The following PHLDB2 variants were observed in gnomAD, a reference collection of about 807,000 sequenced individuals.
The protein encoded by PHLDB2 is pleckstrin homology like domain family B member 2, also known as pleckstrin homology-like domain family B member 2.
In PHLDB2, 71 loss-of-function variants were observed where a neutral mutation model predicts 123.6. The observed-to-expected ratio is 0.57, with a 90% CI of 0.47 to 0.70. The LOEUF is 0.70. PHLDB2 is among the 30% of genes least tolerant of loss of function. PHLDB2 has a pLI of 0.00. For synonymous variants in PHLDB2, 547 were observed against 541.6 expected (o/e 1.01, Z -0.14); for missense variants, 1,446 against 1,519.5 (o/e 0.95, Z 0.80).
intron 2 of PHLDB2, among the ~76,000 whole-genome samples, chr3:111,886,696 A>G (rs1188998381): frequency 6.6e-6 from 1 of 152,244 alleles, no homozygotes; most frequent in Non-Finnish European, 1.5e-5. Context: ...CCTAACTGAC[A>G]ATAGTGAATG....
rs2072044232 is a variant in PHLDB2, at chr3:111,969,714, C to A, written c.3340C>A (p.Pro1114Thr). ...AQARPLTRYL[P>T]VRKEDFDLRS... The stretch of plus-strand genomic sequence containing the variant: ...GGCTCGTCCTTTGACACGCTACCTG[C>A]CTGTCCGGAAGGAAGACTTTGATTT... Residue 1114 changes from proline (P) to threonine (T), a missense_variant, in exon 16 of 18, where the codon CCT becomes ACT. By Grantham distance (38) the Pro-to-Thr change is conservative. This residue lies in a region of PHLDB2 where 594 missense variants were observed against 646.0 expected (regional missense o/e 0.92). Coordinates refer to ENST00000431670, the MANE Select transcript of PHLDB2 (RefSeq NM_001134438.2). 2 of 1,613,952 alleles carry A rather than the reference C, an allele frequency of 1.2e-6. No individual in the cohort carries two copies. The highest frequency in any genetic ancestry group is 1.7e-6 in the Non-Finnish European group (2 of 1,179,862).
chr3:111,856,401 C>A (rs972225262), upstream of PHLDB2, among the ~76,000 whole-genome samples: 8 of 152,182 alleles, frequency 5.3e-5, no homozygotes, highest in African/African-American at 1.9e-4. Flanking sequence ...CAACTGACTT[C>A]TCTGTGATTC....
chr3:111,787,827 G>A (rs977133071), intron 1 of PHLDB2, among the ~76,000 whole-genome samples: 10 of 152,122 alleles, frequency 6.6e-5, no homozygotes, highest in Admixed American at 3.9e-4. Context: ...CTGATTGCAT[G>A]TTTCTCTAAA....
rs574756074 is a variant in PHLDB2 at position 111,905,635 on chromosome 3, C to T, written c.1336-7684C>T. ...TCTCCCAAAGTGCTGAGATTATAGG[C>T]GTGAGCCACCACACCCTACCTTAAA... is the stretch of plus-strand genomic sequence containing the variant. On this transcript the variant is annotated intron_variant, in intron 2 of 17. Coordinates refer to ENST00000431670, the MANE Select transcript of PHLDB2 (RefSeq NM_001134438.2). 4.6e-5 allele frequency among the ~76,000 whole-genome samples: 7 copies of T among 152,226 alleles called. No homozygotes were observed. The South Asian group carries it at 1.2e-3, about 27-fold the overall frequency.
chr3:111,763,946 C>T (rs1167973977), intron 1 of PHLDB2, among the ~76,000 whole-genome samples: 2 of 152,066 alleles, frequency 1.3e-5, no homozygotes, highest in East Asian at 1.9e-4. Flanking sequence ...TAAAGCAGCC[C>T]GAACAGACGA....
intron 2 of PHLDB2, among the ~76,000 whole-genome samples, chr3:111,889,653 G>C (rs1287739685): frequency 6.6e-6 from 1 of 152,178 alleles, no homozygotes; most frequent in East Asian, 1.9e-4. Context: ...AATGAGCCAT[G>C]ATCATGCCAC....
At chr3:111,812,495 C>G (rs2061885796) in intron 1 of PHLDB2, among the ~76,000 whole-genome samples, 2 of 152,184 alleles carry the variant, frequency 1.3e-5, no homozygotes, top group African/African-American at 4.8e-5. Flanking sequence ...CATGGAGTTT[C>G]TCAACTTTGG....
chr3:111,774,300 C>T (rs1478686946), intron 1 of PHLDB2, among the ~76,000 whole-genome samples: 2 of 152,176 alleles, frequency 1.3e-5, no homozygotes, highest in East Asian at 3.8e-4. Flanking sequence ...TTTTTCCAGA[C>T]TTGCTGTTAG....
At chr3:111,903,389 T>C (rs558163208) in intron 2 of PHLDB2, among the ~76,000 whole-genome samples, 7 of 152,196 alleles carry the variant, frequency 4.6e-5, no homozygotes, top group Admixed American at 1.3e-4. Flanking sequence ...ACAAGATGCC[T>C]TTCTCCCCAG....
At chr3:111,948,876 T>C (rs2070505259) in intron 9 of PHLDB2, 56 bp from the exon 10 acceptor site, 1 of 1,566,644 alleles carries the variant, frequency 6.4e-7, no homozygotes, top group Admixed American at 1.7e-5. Flanking sequence ...ATTAATACTC[T>C]CGCATGCCTC....
chr3:111,856,845 G>C (rs537289154), upstream of PHLDB2, among the ~76,000 whole-genome samples: 12 of 152,316 alleles, frequency 7.9e-5, no homozygotes, highest in South Asian at 2.3e-3. Context: ...AGTGAGGAGA[G>C]ACAGACAATA....
chr3:111,953,246 C>T (rs2070823437), intron 11 of PHLDB2, among the ~76,000 whole-genome samples: 1 of 152,074 alleles, frequency 6.6e-6, no homozygotes. Flanking sequence ...GGAATGTGAA[C>T]CTATGCGACC....
intron 13 of PHLDB2, among the ~76,000 whole-genome samples, chr3:111,963,718 C>T (rs1264634925): frequency 6.6e-6 from 1 of 152,106 alleles, no homozygotes. Flanking sequence ...ACTAGAATTT[C>T]AGCATGGAAT....
At chr3:111,807,572 TA>T (rs1033702010) in intron 1 of PHLDB2, among the ~76,000 whole-genome samples, 1 of 151,708 alleles carries the variant, frequency 6.6e-6, no homozygotes, top group African/African-American at 2.4e-5. Flanking sequence ...AATAAAAATT[TA>T]AAAAAAATAG....
intron 10 of PHLDB2, 47 bp downstream of exon 10, chr3:111,949,122 A>G (rs1257908208): frequency 1.2e-6 from 2 of 1,602,206 alleles, no homozygotes; most frequent in South Asian, 2.2e-5. Flanking sequence ...TCTTCATGTC[A>G]GAAATTAACC....
rs557472906 is a variant in PHLDB2 at position 111,884,672 on chromosome 3, G to A, written c.595G>A (p.Ala199Thr). ...GCCTCCTATCAGCAGATCGGGAGCC[G>A]CAAGCATGCCTTCAAGCCCAAAGCA... ...GPPPISRSGA[A>T]SMPSSPKQAR... The change falls in exon 2 of 18, where the codon GCA (alanine) becomes ACA (threonine). Residue 199 changes from alanine (A) to threonine (T), a missense_variant. Transcript: ENST00000431670. 98 of 1,614,094 alleles carry A rather than the reference G, an allele frequency of 6.1e-5. No individual in the cohort carries two copies. The highest frequency in any genetic ancestry group is 1.0e-4 in the Admixed American group (6 of 60,008).
rs563713509 is a variant in PHLDB2 at position 111,885,312 on chromosome 3, G to A, written c.1235G>A (p.Arg412Gln). ...ACCCCCCAGCCTGCCCTTCGGGAAC[G>A]GAAAAGCAGTATTAGCTCCATTTCA... is the stretch of plus-strand genomic sequence containing the variant. ...SGTPQPALRE[R>Q]KSSISSISGR... is the part of the protein sequence containing the mutation. The change falls in exon 2 of 18, where the codon CGG becomes CAG. Residue 412 changes from arginine (R) to glutamine (Q), a missense_variant. By Grantham distance (43) the Arg-to-Gln change is conservative. Transcript: ENST00000431670. 5.0e-6 allele frequency: 8 copies of A among 1,614,122 alleles called. No individual in the cohort carries two copies. Among genetic ancestry groups the A allele is most frequent in the South Asian group, 2.2e-5 (2 of 91,076 alleles).
chr3:111,780,328 GAAGAA>G (rs1559827184), intron 1 of PHLDB2, among the ~76,000 whole-genome samples: 434 of 11,608 alleles, frequency 0.037, 89 homozygotes, highest in Non-Finnish European at 0.074. Context: ...AGAGGAAGAA[GAAGAA>G]GAAGAAGAAG....
upstream of PHLDB2, among the ~76,000 whole-genome samples, chr3:111,854,967 A>T (rs942621749): frequency 2.0e-5 from 3 of 152,206 alleles, no homozygotes; most frequent in East Asian, 5.8e-4. Context: ...CATGGGCAGG[A>T]TTTATGGTCA....
Sources: gnomAD v4.1 joint callset for allele counts (sites outside exome capture counted in the v4.1 genomes callset) on GRCh38, gnomAD v4.1.1 for gene constraint, gnomAD v4.1.1 regional missense constraint, MANE v1.5 for transcripts, NCBI Gene and HGNC (gene_info 2026-07-23, HGNC 2026-07-21) for gene names.